GPI: variants seen among roughly 807,000 people sequenced by gnomAD.
GPI encodes the protein glucose-6-phosphate isomerase.
A neutral mutation model predicts 75.8 loss-of-function variants in GPI; 56 were observed. The ratio of observed to expected loss-of-function variants is 0.74; its 90% CI spans 0.60 to 0.92. The LOEUF is 0.92. Among genes scored for constraint, GPI ranks in the 40% least tolerant of loss-of-function variants. The probability of loss-of-function intolerance (pLI) is 0.00; values close to 1 mark genes in which losing one functional copy is unlikely to be tolerated. For synonymous variants in GPI, 288 were observed against 285.4 expected (o/e 1.01, Z -0.09); for missense variants, 638 against 741.0 (o/e 0.86, Z 1.61).
Position 34,400,098 on chromosome 19 carries a change from G to C in GPI, c.*62G>C. On this transcript the variant is annotated 3_prime_UTR_variant, in exon 18 of 18. Coordinates refer to ENST00000356487, the MANE Select transcript of GPI (RefSeq NM_000175.5). ...TTTCTCTTCTCGTCCCTCCTCCCCG[G>C]AGCCGGCACTGCATGTTCCTGGACA... The C allele has an allele frequency of 6.4e-7, 1 of 1,554,156 alleles. No individual in the cohort carries two copies. Among genetic ancestry groups the C allele is most frequent in the East Asian group, 2.2e-5 (1 of 44,672 alleles).
chr19:34,377,553 C>T lies in GPI; in HGVS notation c.453C>T (p.Asp151=), dbSNP rs1044755065. The T allele has an allele frequency of 9.9e-6, 16 of 1,612,914 alleles. No homozygotes were observed. The highest frequency in any genetic ancestry group is 1.3e-5 in the Non-Finnish European group (15 of 1,179,636). ...WKGYTGKTIT[D]VINIGIGGSD... is the part of the protein sequence containing the mutation. ...GGTACACAGGCAAGACCATCACGGA[C>T]GTCATCAACATTGGCATTGGCGGCT... is the stretch of plus-strand genomic sequence containing the variant. The change falls in exon 5 of 18, where the codon GAC becomes GAT. Residue 151 remains aspartate, a synonymous_variant. Transcript: ENST00000356487.
chr19:34,394,689 G>T (rs1373953518), intron 12 of GPI, among the ~76,000 whole-genome samples: 1 of 150,790 alleles, frequency 6.6e-6, no homozygotes, highest in African/African-American at 2.4e-5. Context: ...GTCACATTAT[G>T]TCCCAGAAAG....
intron 14 of GPI, among the ~76,000 whole-genome samples, chr19:34,396,922 T>C (rs1361731003): frequency 6.6e-6 from 1 of 152,212 alleles, no homozygotes; most frequent in African/African-American, 2.4e-5. Flanking sequence ...GTGATTCTTA[T>C]GCCTCAGCCT....
intron 12 of GPI, among the ~76,000 whole-genome samples, chr19:34,394,898 G>A (rs1322077077): frequency 6.6e-6 from 1 of 152,050 alleles, no homozygotes; most frequent in East Asian, 1.9e-4. Context: ...ATTTTTAGTG[G>A]AAACGGGGTT....
chr19:34,385,772 G>T (rs2145390859), intron 9 of GPI, among the ~76,000 whole-genome samples: 1 of 152,238 alleles, frequency 6.6e-6, no homozygotes, highest in East Asian at 1.9e-4. Flanking sequence ...AGGGGGTGCT[G>T]GTCCACCAGG....
Position 34,396,230 on chromosome 19 carries a change from G to C in GPI, c.1063-71G>C. 3 of 1,565,884 alleles carry C rather than the reference G, an allele frequency of 1.9e-6. No homozygotes were observed. The South Asian group carries it at 3.3e-5, about 17-fold the overall frequency. ...TGGAATTACAGGCTTGAGCCACTGC[G>C]CTCAGCCTCTTTCTTTCTTTTTAAA... On this transcript the variant is annotated intron_variant, in intron 12 of 17. Transcript: ENST00000356487.
chr19:34,377,031 G>A (rs1046904403), intron 4 of GPI, among the ~76,000 whole-genome samples: 5 of 151,568 alleles, frequency 3.3e-5, no homozygotes, highest in Non-Finnish European at 5.9e-5. Flanking sequence ...AGCTGGGTGC[G>A]GTGGCTCAAG....
upstream of GPI, among the ~76,000 whole-genome samples, chr19:34,364,186 C>T (rs1476085337): frequency 1.3e-5 from 2 of 151,512 alleles, no homozygotes; most frequent in African/African-American, 2.4e-5. Context: ...CCACCACATG[C>T]CCCGCTAATT....
chr19:34,400,076 C>G lies in GPI; in HGVS notation c.*40C>G, dbSNP rs113649392. On this transcript the variant is annotated 3_prime_UTR_variant, in exon 18 of 18. Coordinates refer to ENST00000356487, the MANE Select transcript of GPI (RefSeq NM_000175.5). ...GCAGCCTCCTCTGTGACTCCCCTTT[C>G]TCTTCTCGTCCCTCCTCCCCGGAGC... 9.4e-6 allele frequency: 15 copies of G among 1,598,086 alleles called. No homozygotes were observed. The highest frequency in any genetic ancestry group is 9.3e-5 in the African/African-American group (7 of 74,880).
Position 34,400,386 on chromosome 19 carries a change from G to A in GPI, c.*350G>A, listed in dbSNP as rs2075005470. 2 of 596,658 alleles carry A rather than the reference G, an allele frequency of 3.4e-6. No homozygotes were observed. The highest frequency in any genetic ancestry group is 5.9e-6 in the Non-Finnish European group (2 of 336,690). 37.0% of individuals were successfully genotyped at this position (596,658 alleles called of 1,614,324 possible). On this transcript the variant is annotated 3_prime_UTR_variant, in exon 18 of 18. Coordinates refer to ENST00000356487, the MANE Select transcript of GPI (RefSeq NM_000175.5). ...CTGTGATGGTGCTTTATGTAGCAGA[G>A]GGCAGGAGCGCTCAGCAGGACGCAG...
At chr19:34,387,598 AC>A (rs2074756429) in intron 9 of GPI, among the ~76,000 whole-genome samples, 1 of 150,350 alleles carries the variant, frequency 6.7e-6, no homozygotes. Context: ...TGGTATGTTG[AC>A]CTGGTGTTGT....
At chr19:34,372,092 A>G (rs1360324028) in intron 4 of GPI, among the ~76,000 whole-genome samples, 1 of 151,542 alleles carries the variant, frequency 6.6e-6, no homozygotes, top group Non-Finnish European at 1.5e-5. Context: ...CACCACACCC[A>G]GCTAATTTTT....
At position 34,371,245 on chromosome 19, in the gene GPI, T is replaced by A. The variant is rs543141200; in HGVS notation, c.402+2543T>A. 5.9e-5 allele frequency among the ~76,000 whole-genome samples: 9 copies of A among 152,326 alleles called. No homozygotes were observed. The East Asian group carries it at 1.7e-3, about 29-fold the overall frequency. On this transcript the variant is annotated intron_variant, in intron 4 of 17. Coordinates refer to ENST00000356487, the MANE Select transcript of GPI (RefSeq NM_000175.5). ...TTGCTGAATGGCAGTAATCCCCTGG[T>A]GAGGAACATTCCCCATGGCTGTGCT...
In GPI at chr19:34,398,191, G is replaced by A. The variant is rs891860323; in HGVS notation, c.1270-1016G>A. On this transcript the variant is annotated intron_variant, in intron 14 of 17. Coordinates refer to ENST00000356487, the MANE Select transcript of GPI (RefSeq NM_000175.5). ...TCAGCCTCCTGAGTAGCTGGGAACA[G>A]GCACACGCCACCACACCCAGCTGAT... is the stretch of plus-strand genomic sequence containing the variant. The A allele has an allele frequency of 2.0e-5, 3 of 152,090 alleles. No homozygotes were observed. The South Asian group carries it at 6.2e-4, about 32-fold the overall frequency. The allele number at this position is 152,090 out of a possible 1,614,324, so 9.4% of individuals were successfully genotyped here.
At position 34,398,995 on chromosome 19, in the gene GPI, G is replaced by A. The variant is rs553158143; in HGVS notation, c.1270-212G>A. ...GTCGGGATTACAGGCGTGAGCCACC[G>A]CGCCTGGCCACTGGTGTGTAGTTCT... On this transcript the variant is annotated intron_variant, in intron 14 of 17. Coordinates refer to ENST00000356487, the MANE Select transcript of GPI (RefSeq NM_000175.5). The A allele has an allele frequency of 1.4e-3, 643 of 456,738 alleles. 1 individual carries two copies. Among genetic ancestry groups the A allele is most frequent in the East Asian group, 5.0e-3 (118 of 23,732 alleles). The allele number at this position is 456,738 out of a possible 1,614,324, so 28.3% of individuals were successfully genotyped here. A position where few individuals can be genotyped will look rare whatever the true frequency, so the allele number is the denominator to read the frequency against.
rs772459350 is a variant in GPI, at chr19:34,393,267, C to T, written c.824C>T (p.Ser275Leu). Residue 275 changes from serine (S) to leucine (L), a missense_variant, in exon 10 of 18, where the codon TCG becomes TTG. Physicochemically the swap from Ser to Leu is moderately radical, Grantham distance 145. Coordinates refer to ENST00000356487, the MANE Select transcript of GPI (RefSeq NM_000175.5). This position sits in a 1 kb window ranked among gnomAD's most constrained non-coding sequence, Gnocchi z 4.4. ...EFWDWVGGRY[S>L]LWSAIGLSIA... is the part of the protein sequence containing the mutation. ...TCCTAGTGGGTGGGAGGACGCTACT[C>T]GCTGTGGTCGGCCATCGGACTCTCC... The T allele has an allele frequency of 1.2e-6, 2 of 1,613,338 alleles. No individual in the cohort carries two copies. The highest frequency in any genetic ancestry group is 1.7e-6 in the Non-Finnish European group (2 of 1,179,308).
intron 9 of GPI, among the ~76,000 whole-genome samples, chr19:34,388,190 A>G (rs959947070): frequency 2.6e-5 from 4 of 152,138 alleles, no homozygotes; most frequent in South Asian, 2.1e-4. Flanking sequence ...AAAAGTGAGG[A>G]AAGTTGCCAG....
intron 4 of GPI, among the ~76,000 whole-genome samples, chr19:34,371,422 T>TCC (rs1365276236): frequency 1.2e-4 from 18 of 152,270 alleles, no homozygotes; most frequent in African/African-American, 4.1e-4. Context: ...CCAATAGGGA[T>TCC]TAGGGAGCTA....
At chr19:34,387,633 C>G in intron 9 of GPI, among the ~76,000 whole-genome samples, 1 of 152,054 alleles carries the variant, frequency 6.6e-6, no homozygotes, top group East Asian at 1.9e-4. Context: ...GATCCAGGCT[C>G]AGTGCTGGTA....
Sources: allele counts gnomAD v4.1 joint callset (sites outside exome capture counted in the v4.1 genomes callset), GRCh38; gene constraint gnomAD v4.1.1; non-coding constraint Gnocchi (gnomAD v3.1); transcripts MANE v1.5; gene names NCBI Gene and HGNC (gene_info 2026-07-23, HGNC 2026-07-21).